SUN2: variants seen among roughly 807,000 people sequenced by gnomAD.
SUN2 encodes the protein Sad1 and UNC84 domain containing 2.
SUN2 carries 60 observed loss-of-function variants against 100.0 expected under a neutral mutation model. The ratio of observed to expected loss-of-function variants is 0.60; its 90% CI spans 0.49 to 0.74. The LOEUF is 0.74. Ranked by LOEUF, SUN2 falls within the 30% of genes least tolerant of loss-of-function variation. SUN2 has a pLI of 0.00. For missense variants in SUN2, 834 were observed against 954.6 expected, an observed-to-expected ratio of 0.87 and a Z score of 1.66; for synonymous variants, 367 against 403.3, an observed-to-expected ratio of 0.91 and a Z score of 1.08.
At position 38,740,926 on chromosome 22, in the gene SUN2, C is replaced by T. The variant is rs543315946; in HGVS notation, c.1190+81G>A. On this transcript the variant is annotated intron_variant, in intron 11 of 17. Transcript: ENST00000689035. This position sits in a 1 kb window ranked among gnomAD's most constrained non-coding sequence, Gnocchi z 4.8. ...AAGATGATCAGAACTCTCTGCTCTGCGGCTCTGCTCCCCAGTCCTGCCTGG... is the reference window on the plus strand; with the variant it reads ...AAGATGATCAGAACTCTCTGCTCTGTGGCTCTGCTCCCCAGTCCTGCCTGG... 138 of 1,411,930 alleles carry T rather than the reference C, an allele frequency of 9.8e-5. 1 individual carries two copies. In the African/African-American group the frequency reaches 1.2e-3, roughly 13 times the overall value. 87.5% of individuals were successfully genotyped at this position (1,411,930 alleles called of 1,614,324 possible).
intron 6 of SUN2, among the ~76,000 whole-genome samples, chr22:38,749,231 C>T (rs938158516): frequency 6.6e-6 from 1 of 152,194 alleles, no homozygotes; most frequent in African/African-American, 2.4e-5. Context: ...TTCTGGGTTC[C>T]GTGTTCTTCT....
In SUN2 at chr22:38,739,421, C is replaced by T; in HGVS notation, c.1584G>A (p.Val528=). The change falls in exon 14 of 18, where the codon GTG becomes GTA. Residue 528 remains valine (V), a synonymous_variant. Coordinates refer to ENST00000689035, the MANE Select transcript of SUN2 (RefSeq NM_015374.3). This position sits in a 1 kb window ranked among gnomAD's most constrained non-coding sequence, Gnocchi z 6.7. Reference sequence around the variant, plus strand: ...GCAGGGCCTGCTTCACGATGTGGTGCACCTGCTGCAATGCAGGCACCAGGA... The same window carrying T: ...GCAGGGCCTGCTTCACGATGTGGTGTACCTGCTGCAATGCAGGCACCAGGA... The part of the protein sequence containing the change: ...EGVIGVTEEQ[V]HHIVKQALQR... 1 of 1,613,026 alleles carries T rather than the reference C, an allele frequency of 6.2e-7. No individual in the cohort carries two copies. The highest frequency in any genetic ancestry group is 8.5e-7 in the Non-Finnish European group (1 of 1,180,004).
chr22:38,755,172 G>T lies in SUN2; in HGVS notation c.-38+591C>A. On this transcript the variant is annotated intron_variant, in intron 1 of 17. Transcript: ENST00000689035. The surrounding 1 kb of genome is among the most constrained non-coding windows in gnomAD (Gnocchi z 5.7). ...ACCAGATCTGGGGCATCTTCCTCGT[G>T]ACATTTCCACTCCCTGGGCACAGCC... 8.9e-7 allele frequency: 1 copy of T among 1,122,344 alleles called. No individual in the cohort carries two copies. Among genetic ancestry groups the T allele is most frequent in the Non-Finnish European group, 1.1e-6 (1 of 881,466 alleles). The allele number at this position is 1,122,344 out of a possible 1,614,324, so 69.5% of individuals were successfully genotyped here. A position where few individuals can be genotyped will look rare whatever the true frequency, so the allele number is the denominator to read the frequency against.
Position 38,755,327 on chromosome 22 carries a change from C to T in SUN2, c.-38+436G>A. ...CTGGCTCTCTAAGTCACACCGCGCC[C>T]CCCATTGCTTTGTTTTGTTTTGTTT... On this transcript the variant is annotated intron_variant, in intron 1 of 17. Coordinates refer to ENST00000689035, the MANE Select transcript of SUN2 (RefSeq NM_015374.3). This position sits in a 1 kb window ranked among gnomAD's most constrained non-coding sequence, Gnocchi z 5.7. 3 of 1,095,752 alleles carry T rather than the reference C, an allele frequency of 2.7e-6. No homozygotes were observed. Among genetic ancestry groups the T allele is most frequent in the Non-Finnish European group, 3.4e-6 (3 of 893,972 alleles). The allele number at this position is 1,095,752 out of a possible 1,614,324, so 67.9% of individuals were successfully genotyped here.
At position 38,739,432 on chromosome 22, in the gene SUN2, A is replaced by G. The variant is rs1476411337; in HGVS notation, c.1579-6T>C. The stretch of plus-strand genomic sequence containing the variant: ...TTCACGATGTGGTGCACCTGCTGCA[A>G]TGCAGGCACCAGGAGACGGTTGCAG... On this transcript the variant is annotated splice_polypyrimidine_tract_variant and splice_region_variant and intron_variant, in intron 13 of 17. Transcript: ENST00000689035. This position sits in a 1 kb window ranked among gnomAD's most constrained non-coding sequence, Gnocchi z 6.7. 1.2e-6 allele frequency: 2 copies of G among 1,612,848 alleles called. No homozygotes were observed. Among genetic ancestry groups the G allele is most frequent in the South Asian group, 1.1e-5 (1 of 91,084 alleles).
At chr22:38,745,266 GCAGA>G (rs2092894343) in intron 8 of SUN2, 2 of 460,914 alleles carry the variant, frequency 4.3e-6, no homozygotes, top group South Asian at 1.6e-5. Flanking sequence ...CCAGCCAACT[GCAGA>G]CAGACAGATC....
At chr22:38,736,409 A>G in intron 17 of SUN2, 29 bp from the exon 18 acceptor site, 1 of 1,580,326 alleles carries the variant, frequency 6.3e-7, no homozygotes, top group Non-Finnish European at 8.6e-7. Flanking sequence ...GATTAAGAGC[A>G]TCAGAGACCT....
Position 38,752,506 on chromosome 22 carries a change from C to T in SUN2, c.122+1G>A. On this transcript the variant is annotated splice_donor_variant, in intron 2 of 17. Transcript: ENST00000689035. LOFTEE classifies it high-confidence loss of function. ...GCCGTGGCACTCCCTTGGGTCCCTA[C>T]CTGAGAGGACTGTCTTTAAACAGGG... 1.2e-6 allele frequency: 2 copies of T among 1,609,940 alleles called. No individual in the cohort carries two copies. Among genetic ancestry groups the T allele is most frequent in the South Asian group, 1.1e-5 (1 of 90,862 alleles).
At position 38,738,353 on chromosome 22, in the gene SUN2, G is replaced by T; in HGVS notation, c.1948-88C>A. Reference sequence around the variant, plus strand: ...CAATCCCTGCTCCTCCCACCCAGCAGGTCAGGCACCAGAGTGGCCTATGAC... The same window carrying T: ...CAATCCCTGCTCCTCCCACCCAGCATGTCAGGCACCAGAGTGGCCTATGAC... On this transcript the variant is annotated intron_variant, in intron 16 of 17. Transcript: ENST00000689035. This position sits in a 1 kb window ranked among gnomAD's most constrained non-coding sequence, Gnocchi z 6.6. The T allele has an allele frequency of 7.9e-7, 1 of 1,263,196 alleles. No individual in the cohort carries two copies. Among genetic ancestry groups the T allele is most frequent in the East Asian group, 2.3e-5 (1 of 42,622 alleles). The allele number at this position is 1,263,196 out of a possible 1,614,324, so 78.2% of individuals were successfully genotyped here.
chr22:38,737,000 C>T (rs947280692), intron 17 of SUN2, among the ~76,000 whole-genome samples: 1 of 152,190 alleles, frequency 6.6e-6, no homozygotes, highest in African/African-American at 2.4e-5. Flanking sequence ...CATGTCACCA[C>T]ACCCGGCTAA....
In SUN2 at chr22:38,755,193, C is replaced by T. The variant is rs906734702; in HGVS notation, c.-38+570G>A. The T allele has an allele frequency of 8.6e-7, 1 of 1,166,868 alleles. No homozygotes were observed. Among genetic ancestry groups the T allele is most frequent in the Non-Finnish European group, 1.1e-6 (1 of 922,792 alleles). 72.3% of individuals were successfully genotyped at this position (1,166,868 alleles called of 1,614,324 possible). ...TCGTGACATTTCCACTCCCTGGGCACAGCCAGGCCACACGCCCTTGTGGGA... is the reference window on the plus strand; with the variant it reads ...TCGTGACATTTCCACTCCCTGGGCATAGCCAGGCCACACGCCCTTGTGGGA... On this transcript the variant is annotated intron_variant, in intron 1 of 17. Coordinates refer to ENST00000689035, the MANE Select transcript of SUN2 (RefSeq NM_015374.3). The surrounding 1 kb of genome is among the most constrained non-coding windows in gnomAD (Gnocchi z 5.7).
rs982358372 is a variant in SUN2, at chr22:38,755,500, C to T, written c.-38+263G>A. ...GTTGGGGCAGTCGGCCTTTGCCCTC[C>T]TCCTCCCGGGAGGCTGCCCGGGAAG... On this transcript the variant is annotated intron_variant, in intron 1 of 17. Coordinates refer to ENST00000689035, the MANE Select transcript of SUN2 (RefSeq NM_015374.3). This position sits in a 1 kb window ranked among gnomAD's most constrained non-coding sequence, Gnocchi z 5.7. 1 of 986,508 alleles carries T rather than the reference C, an allele frequency of 1.0e-6. No individual in the cohort carries two copies. The highest frequency in any genetic ancestry group is 1.7e-5 in the African/African-American group (1 of 57,254). The allele number at this position is 986,508 out of a possible 1,614,324, so 61.1% of individuals were successfully genotyped here.
chr22:38,742,312 C>G lies in SUN2; in HGVS notation c.1057G>C (p.Ala353Pro). 6.2e-7 allele frequency: 1 copy of G among 1,602,598 alleles called. No homozygotes were observed. The highest frequency in any genetic ancestry group is 8.5e-7 in the Non-Finnish European group (1 of 1,171,278). ...LKEDFRRETA[A>P]RIQEELSALR... is the part of the protein sequence containing the mutation. ...ATTCCACCTCCTACCTGGATGCGAG[C>G]AGCAGTTTCCCTGCGGAAATCCTCC... The change falls in exon 9 of 18, where the codon GCT becomes CCT. Residue 353 changes from alanine to proline, a missense_variant. Physicochemically the swap from Ala to Pro is conservative, Grantham distance 27 (BLOSUM62 -1). This residue lies in a region of SUN2 where 559 missense variants were observed against 597.7 expected (regional missense o/e 0.94). Coordinates refer to ENST00000689035, the MANE Select transcript of SUN2 (RefSeq NM_015374.3).
At chr22:38,753,264 G>A (rs1274421692) in intron 1 of SUN2, among the ~76,000 whole-genome samples, 1 of 131,350 alleles carries the variant, frequency 7.6e-6, no homozygotes, top group Non-Finnish European at 1.5e-5. Context: ...CTCCCAGGCT[G>A]AAGTGCAGTG....
chr22:38,753,839 C>T (rs1305278478), intron 1 of SUN2, among the ~76,000 whole-genome samples: 1 of 152,218 alleles, frequency 6.6e-6, no homozygotes, highest in African/African-American at 2.4e-5. Flanking sequence ...TCAGCTCTGA[C>T]AGGCTGTAGG....
At chr22:38,749,685 A>G (rs2092928755) in intron 6 of SUN2, 81 bp downstream of exon 6, 2 of 1,309,262 alleles carry the variant, frequency 1.5e-6, no homozygotes, top group East Asian at 2.4e-5. Flanking sequence ...CAGAGAATCG[A>G]CCATTACAGG....
intron 2 of SUN2, chr22:38,751,582 C>T (rs770667331): frequency 4.3e-5 from 25 of 578,838 alleles, no homozygotes; most frequent in Non-Finnish European, 7.2e-5. Flanking sequence ...ATGGGCAAGA[C>T]GGGCAGCGGC....
In SUN2 at chr22:38,738,351, C is replaced by T. The variant is rs749710778; in HGVS notation, c.1948-86G>A. ...TCCAATCCCTGCTCCTCCCACCCAG[C>T]AGGTCAGGCACCAGAGTGGCCTATG... On this transcript the variant is annotated intron_variant, in intron 16 of 17. Coordinates refer to ENST00000689035, the MANE Select transcript of SUN2 (RefSeq NM_015374.3). The surrounding 1 kb of genome is among the most constrained non-coding windows in gnomAD (Gnocchi z 6.6). The T allele has an allele frequency of 2.5e-5, 32 of 1,266,760 alleles. No individual in the cohort carries two copies. The Middle Eastern group carries it at 7.7e-4, about 31-fold the overall frequency. The allele number at this position is 1,266,760 out of a possible 1,614,324, so 78.5% of individuals were successfully genotyped here.
intron 1 of SUN2, chr22:38,754,846 G>C (rs1286546868): frequency 1.6e-6 from 2 of 1,288,128 alleles, no homozygotes; most frequent in African/African-American, 3.0e-5. Flanking sequence ...AGAACTCCCA[G>C]AGATGCCTCT....
Sources: allele counts gnomAD v4.1 joint callset (sites outside exome capture counted in the v4.1 genomes callset), GRCh38; gene constraint gnomAD v4.1.1; regional missense constraint gnomAD v4.1.1; non-coding constraint Gnocchi (gnomAD v3.1); transcripts MANE v1.5; gene names NCBI Gene and HGNC (gene_info 2026-07-23, HGNC 2026-07-21).